The following OPRM1 variants were observed in gnomAD, a reference collection of about 807,000 sequenced individuals.
The protein encoded by OPRM1 is opioid receptor mu 1.
OPRM1 carries 27 observed loss-of-function variants against 31.8 expected under a neutral mutation model. The observed-to-expected ratio is 0.85, with a 90% CI of 0.63 to 1.17. The LOEUF is 1.17. OPRM1 is among the 50% of genes most tolerant of loss of function. OPRM1 has a pLI of 0.00. For missense variants in OPRM1, 536 were observed against 511.1 expected (o/e 1.05, Z -0.47); for synonymous variants, 196 against 189.9 (o/e 1.03, Z -0.26).
rs756988142 is a variant in OPRM1, at chr6:154,168,071, T to C, written c.1164+76599T>C. On this transcript the variant is annotated intron_variant, in intron 3 of 3. Coordinates refer to the OPRM1 transcript ENST00000337049. This position sits in a 1 kb window ranked among gnomAD's most constrained non-coding sequence, Gnocchi z 4.1. ...TAGACTAGCTTGCTCTAATGATTTG[T>C]ACAGCTTCTCCATTTCATCATCTTC... 1 of 1,589,884 alleles carries C rather than the reference T, an allele frequency of 6.3e-7. No individual in the cohort carries two copies. The highest frequency in any genetic ancestry group is 8.6e-7 in the Non-Finnish European group (1 of 1,163,150).
chr6:154,139,993 G>A (rs1391356194), intron 3 of OPRM1, among the ~76,000 whole-genome samples: 1 of 152,142 alleles, frequency 6.6e-6, no homozygotes, highest in African/African-American at 2.4e-5. Context: ...AAGCAATTGA[G>A]GAAGCAACCA....
intron 3 of OPRM1, among the ~76,000 whole-genome samples, chr6:154,162,688 C>G (rs554362918): frequency 7.7e-6 from 1 of 129,802 alleles, no homozygotes; most frequent in African/African-American, 2.9e-5. Flanking sequence ...CAGCTTGTAT[C>G]CTGTTCTCTG....
chr6:154,099,908 ATATATCATAACATG>A (rs1794274656), intron 3 of OPRM1, among the ~76,000 whole-genome samples: 1 of 144,440 alleles, frequency 6.9e-6, no homozygotes, highest in Non-Finnish European at 1.5e-5. Context: ...ATATTATGAT[ATATATCATAACATG>A]TATTATCATA....
intron 1 of OPRM1, among the ~76,000 whole-genome samples, chr6:154,059,363 A>T (rs1783955580): frequency 6.6e-6 from 1 of 152,190 alleles, no homozygotes; most frequent in Admixed American, 6.5e-5. Flanking sequence ...CTCAATTGTG[A>T]TCTAAAGGTG....
chr6:154,074,782 CAG>C (rs1002097262), intron 1 of OPRM1, among the ~76,000 whole-genome samples: 1 of 148,354 alleles, frequency 6.7e-6, no homozygotes, highest in Non-Finnish European at 1.5e-5. Flanking sequence ...GAAAAACAAA[CAG>C]AAAAAAAAGA....
intron 1 of OPRM1, among the ~76,000 whole-genome samples, chr6:154,055,409 A>G (rs932502956): frequency 1.3e-5 from 2 of 151,832 alleles, no homozygotes; most frequent in Non-Finnish European, 2.9e-5. Flanking sequence ...GAATAAACAA[A>G]AAAAAAAAAA....
chr6:154,093,620 T>C, intron 3 of OPRM1: 1 of 1,185,018 alleles, frequency 8.4e-7, no homozygotes. Flanking sequence ...TTAGGCCTTA[T>C]CTTCATCGCT....
In OPRM1 at chr6:154,203,693, T is replaced by C. The variant is rs1777255636; in HGVS notation, c.1165-43000T>C. On this transcript the variant is annotated intron_variant, in intron 3 of 3. Coordinates refer to the OPRM1 transcript ENST00000337049. ...GGGATGACTGGATTGCAACTACTGATTGACTCTTCATCTTTTTGATGAGCT... is the reference window on the plus strand; with the variant it reads ...GGGATGACTGGATTGCAACTACTGACTGACTCTTCATCTTTTTGATGAGCT... 1.3e-5 allele frequency among the ~76,000 whole-genome samples: 2 copies of C among 152,176 alleles called. 1 individual carries two copies. Among genetic ancestry groups the C allele is most frequent in the South Asian group, 4.1e-4 (2 of 4,824 alleles).
At chr6:154,152,513 G>C (rs1299603941) in intron 3 of OPRM1, among the ~76,000 whole-genome samples, 1 of 151,230 alleles carries the variant, frequency 6.6e-6, no homozygotes, top group East Asian at 1.9e-4. Flanking sequence ...GGGGGAAGAG[G>C]CTGCAGACTA....
At chr6:154,043,733 C>G (rs534723874) in intron 1 of OPRM1, among the ~76,000 whole-genome samples, 1 of 152,082 alleles carries the variant, frequency 6.6e-6, no homozygotes, top group African/African-American at 2.4e-5. Flanking sequence ...GTGAAAAACA[C>G]TAAATAAAAT....
At chr6:154,024,832 C>T (rs1329653986) in intron 1 of OPRM1, among the ~76,000 whole-genome samples, 4 of 151,814 alleles carry the variant, frequency 2.6e-5, no homozygotes, top group Admixed American at 2.6e-4. Context: ...GTTTAATTTC[C>T]ATGTGTTTGA....
intron 3 of OPRM1, chr6:154,199,735 T>C (rs776591590): frequency 1.9e-6 from 3 of 1,614,226 alleles, no homozygotes; most frequent in Non-Finnish European, 2.5e-6. Flanking sequence ...TGCTACTCAA[T>C]GAAGAAGTAT....
intron 3 of OPRM1, among the ~76,000 whole-genome samples, chr6:154,092,445 TCAAATTCAAACTTC>T (rs1792486166): frequency 6.6e-6 from 1 of 152,152 alleles, no homozygotes; most frequent in African/African-American, 2.4e-5. Context: ...AACAGTGAAT[TCAAATTCAAACTTC>T]CTATGAAGTA....
intron 3 of OPRM1, among the ~76,000 whole-genome samples, chr6:154,165,779 G>A (rs2128551887): frequency 6.6e-6 from 1 of 152,318 alleles, no homozygotes; most frequent in Non-Finnish European, 1.5e-5. Context: ...GCTGCCACTG[G>A]GTTATAACCC....
At chr6:154,209,684 T>A (rs1668595919) in intron 3 of OPRM1, among the ~76,000 whole-genome samples, 1 of 152,016 alleles carries the variant, frequency 6.6e-6, no homozygotes, top group Non-Finnish European at 1.5e-5. Flanking sequence ...TTTTTTTATT[T>A]CATCTGTTTA....
At chr6:154,187,256 G>C (rs747705342) in intron 3 of OPRM1, among the ~76,000 whole-genome samples, 2 of 151,962 alleles carry the variant, frequency 1.3e-5, no homozygotes, top group Admixed American at 6.6e-5. Flanking sequence ...CCCCACCTCT[G>C]TCCAGTCTCT....
chr6:154,050,606 G>T (rs1482051549), intron 1 of OPRM1, among the ~76,000 whole-genome samples: 2 of 151,976 alleles, frequency 1.3e-5, no homozygotes, highest in Admixed American at 6.6e-5. Context: ...GGCTGGAAAG[G>T]GTAGTGGGGG....
chr6:154,051,393 C>A (rs1782162970), intron 1 of OPRM1, among the ~76,000 whole-genome samples: 1 of 152,084 alleles, frequency 6.6e-6, no homozygotes, highest in Non-Finnish European at 1.5e-5. Context: ...CTATTTTATA[C>A]CAAAATACTT....
intron 1 of OPRM1, among the ~76,000 whole-genome samples, chr6:154,047,817 T>C (rs1781446061): frequency 6.6e-6 from 1 of 152,204 alleles, no homozygotes; most frequent in Non-Finnish European, 1.5e-5. Flanking sequence ...CAAAGTACCA[T>C]AGCCTGGGTG....
Sources: allele counts gnomAD v4.1 joint callset (sites outside exome capture counted in the v4.1 genomes callset), GRCh38; gene constraint gnomAD v4.1.1; non-coding constraint Gnocchi (gnomAD v3.1); transcripts MANE v1.5; gene names NCBI Gene and HGNC (gene_info 2026-07-23, HGNC 2026-07-21).